RAP1A: variants seen among roughly 807,000 people sequenced by gnomAD.
The protein encoded by RAP1A is RAP1A, member of RAS oncogene family.
RAP1A carries 6 observed loss-of-function variants against 26.4 expected under a neutral mutation model. The ratio of observed to expected loss-of-function variants is 0.23; its 90% confidence interval spans 0.12 to 0.45. RAP1A has a LOEUF of 0.45. RAP1A is among the 20% of genes least tolerant of loss of function. The pLI is 0.99. For synonymous variants in RAP1A, 73 were observed against 79.4 expected (o/e 0.92, Z 0.43); for missense variants, 121 against 217.2 (o/e 0.56, Z 2.78).
chr1:111,573,524 A>C (rs1000419859), intron 1 of RAP1A, among the ~76,000 whole-genome samples: 7 of 152,086 alleles, frequency 4.6e-5, no homozygotes, highest in Admixed American at 2.6e-4. Flanking sequence ...TAGTAGAGAC[A>C]GGGTTTCACC....
intron 2 of RAP1A, among the ~76,000 whole-genome samples, chr1:111,693,897 C>CTTTT (rs11431985): frequency 4.8e-5 from 7 of 145,592 alleles, no homozygotes; most frequent in African/African-American, 1.3e-4. Flanking sequence ...ATTAGACTGC[C>CTTTT]TTTTTTTTTT....
intron 1 of RAP1A, among the ~76,000 whole-genome samples, chr1:111,555,226 T>G (rs12029298): frequency 0.05 from 7,564 of 150,696 alleles, 394 homozygotes; most frequent in East Asian, 0.18. Flanking sequence ...ACTAGCTGAG[T>G]GTGGTGGTGC....
chr1:111,570,169 T>G (rs1658018256), intron 1 of RAP1A, among the ~76,000 whole-genome samples: 1 of 152,094 alleles, frequency 6.6e-6, no homozygotes. Flanking sequence ...GCGTCATGAT[T>G]GGTGAGTGTG....
chr1:111,682,952 A>T (rs1661346047), intron 1 of RAP1A, among the ~76,000 whole-genome samples: 1 of 152,228 alleles, frequency 6.6e-6, no homozygotes, highest in Non-Finnish European at 1.5e-5. Context: ...TATGTAAAGG[A>T]ACGGAAATAA....
intron 1 of RAP1A, chr1:111,648,903 G>T (rs1660168080): frequency 1.3e-6 from 1 of 795,120 alleles, no homozygotes; most frequent in Admixed American, 1.7e-5. Flanking sequence ...GGCAATCTGG[G>T]CTTGTAGGCC....
chr1:111,613,150 G>A (rs1658953389), intron 1 of RAP1A, among the ~76,000 whole-genome samples: 1 of 144,188 alleles, frequency 6.9e-6, no homozygotes, highest in South Asian at 2.1e-4. Flanking sequence ...TGAAAACGTA[G>A]GGTTTTTTTT....
At chr1:111,658,068 A>C (rs1660519704) in intron 1 of RAP1A, among the ~76,000 whole-genome samples, 1 of 152,198 alleles carries the variant, frequency 6.6e-6, no homozygotes, top group South Asian at 2.1e-4. Context: ...TTTCGTGTAC[A>C]CTTGAAAATA....
At chr1:111,622,261 C>T (rs1246724374) in intron 1 of RAP1A, among the ~76,000 whole-genome samples, 1 of 152,192 alleles carries the variant, frequency 6.6e-6, no homozygotes, top group Non-Finnish European at 1.5e-5. Flanking sequence ...CCAGTGTTTT[C>T]CCATCTCATT....
At chr1:111,621,980 C>T (rs1480771772) in intron 1 of RAP1A, among the ~76,000 whole-genome samples, 4 of 152,050 alleles carry the variant, frequency 2.6e-5, no homozygotes, top group Admixed American at 2.0e-4. Flanking sequence ...AAATGAATCC[C>T]AAGGAAATAT....
chr1:111,565,961 G>A (rs894550093), intron 1 of RAP1A, among the ~76,000 whole-genome samples: 1 of 151,976 alleles, frequency 6.6e-6, no homozygotes, highest in Non-Finnish European at 1.5e-5. Flanking sequence ...ATGTGCCAAC[G>A]TCCAGATCAC....
chr1:111,649,258 G>T, intron 1 of RAP1A: 1 of 474,066 alleles, frequency 2.1e-6, no homozygotes, highest in Admixed American at 2.4e-5. Context: ...TTGCTCTCCA[G>T]CTTCCGGTTC....
rs776842667 is a variant in RAP1A at position 111,703,321 on chromosome 1, T to C, written c.184-15T>C. 1.3e-6 allele frequency: 2 copies of C among 1,498,508 alleles called. No homozygotes were observed. The highest frequency in any genetic ancestry group is 4.4e-5 in the Admixed American group (2 of 45,052). The allele number at this position is 1,498,508 out of a possible 1,614,324, so 92.8% of individuals were successfully genotyped here. A position where few individuals can be genotyped will look rare whatever the true frequency, so the allele number is the denominator to read the frequency against. On this transcript the variant is annotated splice_polypyrimidine_tract_variant and intron_variant, in intron 4 of 7. Transcript: ENST00000369709. ...AAATTTATATATTTATAATTGCATA[T>C]TTTTTAAATCATAGGAGCAATTTAC...
chr1:111,666,785 G>A (rs111340434), intron 1 of RAP1A, among the ~76,000 whole-genome samples: 1 of 152,310 alleles, frequency 6.6e-6, no homozygotes, highest in African/African-American at 2.4e-5. Context: ...CAGATCCAAG[G>A]AAAAGAGCAG....
chr1:111,615,040 T>A (rs1658990011), upstream of RAP1A, among the ~76,000 whole-genome samples: 4 of 152,110 alleles, frequency 2.6e-5, no homozygotes, highest in Admixed American at 2.6e-4. Context: ...ATAGAGGGAA[T>A]GGAAGGCATT....
rs573393458 is a variant in RAP1A, at chr1:111,633,386, A to G, written c.-28+13452A>G. Among the ~76,000 whole-genome samples the G allele has an allele frequency of 1.2e-4, 19 of 152,370 alleles. No homozygotes were observed. The South Asian group carries it at 2.1e-3, about 17-fold the overall frequency. ...TAAAGTGCAAGTATCAATTTGCTCT[A>G]TAGATGTGTATCTATAAAAACTAGT... On this transcript the variant is annotated intron_variant, in intron 1 of 7. Transcript: ENST00000369709.
At chr1:111,543,115 C>G (rs1656904989) in intron 1 of RAP1A, among the ~76,000 whole-genome samples, 1 of 152,174 alleles carries the variant, frequency 6.6e-6, no homozygotes, top group African/African-American at 2.4e-5. Flanking sequence ...TACACACACA[C>G]AGACACATAC....
rs1346390804 is a variant in RAP1A at position 111,565,050 on chromosome 1, A to G, written c.-28+22541A>G. The stretch of plus-strand genomic sequence containing the variant: ...TTGGTCAGGGAAGGCAGATTTAATA[A>G]GACACCTAAATGCAGTAAGGGAAGA... On this transcript the variant is annotated intron_variant, in intron 1 of 7. Transcript: ENST00000356415. Among the ~76,000 whole-genome samples, 5 of 152,222 alleles carry G rather than the reference A, an allele frequency of 3.3e-5. No individual in the cohort carries two copies. The East Asian group carries it at 9.6e-4, about 29-fold the overall frequency.
At chr1:111,559,670 T>A (rs549670194) in intron 1 of RAP1A, among the ~76,000 whole-genome samples, 2 of 152,322 alleles carry the variant, frequency 1.3e-5, no homozygotes, top group Admixed American at 1.3e-4. Flanking sequence ...ATTATTATTA[T>A]TAATATTTAA....
intron 1 of RAP1A, among the ~76,000 whole-genome samples, chr1:111,587,363 G>A (rs982714001): frequency 1.3e-5 from 2 of 151,982 alleles, no homozygotes; most frequent in African/African-American, 4.8e-5. Flanking sequence ...CTATCAGGTC[G>A]GAACTCCCTG....
Sources: gnomAD v4.1 joint callset for allele counts (sites outside exome capture counted in the v4.1 genomes callset) on GRCh38, gnomAD v4.1.1 for gene constraint, MANE v1.5 for transcripts, NCBI Gene and HGNC (gene_info 2026-07-23, HGNC 2026-07-21) for gene names.